ZAN: variants seen among roughly 807,000 people sequenced by gnomAD.
ZAN encodes the protein zonadhesin (gene/pseudogene).
In ZAN, 260 loss-of-function variants were observed where a neutral mutation model predicts 286.2. The observed-to-expected ratio is 0.91, with a 90% CI of 0.82 to 1.01. ZAN has a LOEUF of 1.01. Ranked by LOEUF, ZAN falls within the 50% of genes least tolerant of loss-of-function variation. The probability of loss-of-function intolerance (pLI) is 0.00; values close to 1 mark genes in which losing one functional copy is unlikely to be tolerated. For missense variants in ZAN, 3,410 were observed against 3,639.2 expected (o/e 0.94, Z 1.62); for synonymous variants, 1,368 against 1,417.5 (o/e 0.97, Z 0.79).
chr7:100,789,041 G>A (rs181162401), intron 38 of ZAN, among the ~76,000 whole-genome samples, 177 bp from the exon 39 acceptor site: 4 of 152,250 alleles, frequency 2.6e-5, no homozygotes, highest in African/African-American at 9.6e-5. Context: ...GGGCTGGGAA[G>A]GGGGCGGACC....
intron 34 of ZAN, among the ~76,000 whole-genome samples, chr7:100,777,348 C>T (rs192636825): frequency 9.3e-5 from 14 of 151,192 alleles, no homozygotes; most frequent in African/African-American, 3.2e-4. Context: ...GACCCTCTAG[C>T]TTTTCTTTTT....
intron 22 of ZAN, 113 bp from the exon 23 acceptor site, chr7:100,765,239 C>G (rs531418392): frequency 8.2e-7 from 1 of 1,213,988 alleles, no homozygotes; most frequent in Admixed American, 2.2e-5. Context: ...TCTCTCTTCT[C>G]GAGATTGGCC....
chr7:100,734,280 A>C lies in ZAN; in HGVS notation c.53+59A>C, dbSNP rs1261370126. ...GGTCAGCTGAGGGTGGCTGTAAGGA[A>C]TATGGAAGGACAGAGCTGGAGGGGG... On this transcript the variant is annotated intron_variant, in intron 2 of 47. Transcript: ENST00000613979. 6.7e-6 allele frequency: 8 copies of C among 1,196,936 alleles called. 1 individual carries two copies. Among genetic ancestry groups the C allele is most frequent in the Admixed American group, 2.5e-5 (1 of 39,808 alleles). 74.1% of individuals were successfully genotyped at this position (1,196,936 alleles called of 1,614,324 possible).
chr7:100,781,651 AC>A (rs1216893134), intron 35 of ZAN, among the ~76,000 whole-genome samples: 1 of 126,602 alleles, frequency 7.9e-6, no homozygotes, highest in Admixed American at 7.9e-5. Context: ...ACATTGCTAT[AC>A]TTTTTTTTTT....
In ZAN at chr7:100,752,036, CAG is replaced by C; in HGVS notation, c.1933_1934del (p.Glu645LysfsTer21). 3 of 1,613,132 alleles carry C rather than the reference CAG, an allele frequency of 1.9e-6. No individual in the cohort carries two copies. Among genetic ancestry groups the C allele is most frequent in the Non-Finnish European group, 2.5e-6 (3 of 1,179,746 alleles). ...CCCTCAGAAAAACCCACCATTCCCT[CAG>C]AAAAACCCACCATTTCCACAGAAAA... On this transcript the variant is annotated frameshift_variant, in exon 14 of 48. Transcript: ENST00000613979. LOFTEE classifies it high-confidence loss of function.
chr7:100,756,530 C>A (rs1272743865), intron 15 of ZAN, among the ~76,000 whole-genome samples: 2 of 152,004 alleles, frequency 1.3e-5, no homozygotes, highest in African/African-American at 2.4e-5. Flanking sequence ...TCTGCTTGTC[C>A]CTTTTGGGAC....
intron 42 of ZAN, 48 bp downstream of exon 42, chr7:100,792,527 G>GGA: frequency 6.2e-7 from 1 of 1,610,656 alleles, no homozygotes; most frequent in Non-Finnish European, 8.5e-7. Flanking sequence ...GCTGGCTGGC[G>GGA]GGACCGCACC....
chr7:100,767,699 G>T, intron 25 of ZAN, 132 bp from the exon 26 acceptor site: 1 of 1,033,968 alleles, frequency 9.7e-7, no homozygotes, highest in South Asian at 1.8e-5. Flanking sequence ...GGCTGATCTC[G>T]AGATCCTGGG....
Position 100,747,543 on chromosome 7 carries a change from A to G in ZAN, c.932-7A>G. 1 of 1,613,238 alleles carries G rather than the reference A, an allele frequency of 6.2e-7. No individual in the cohort carries two copies. The highest frequency in any genetic ancestry group is 8.5e-7 in the Non-Finnish European group (1 of 1,179,422). Reference sequence around the variant, plus strand: ...CTCACTTCTCCTTCCAATTCCTTTCACTGCAGGGAGTATCCGGAAACACAC... The same window carrying G: ...CTCACTTCTCCTTCCAATTCCTTTCGCTGCAGGGAGTATCCGGAAACACAC... On this transcript the variant is annotated splice_region_variant and splice_polypyrimidine_tract_variant and intron_variant, in intron 8 of 47. Coordinates refer to ENST00000613979, the MANE Select transcript of ZAN (RefSeq NM_003386.3).
chr7:100,749,765 T>C (rs1201348704), intron 11 of ZAN, among the ~76,000 whole-genome samples: 1 of 139,362 alleles, frequency 7.2e-6, no homozygotes, highest in Non-Finnish European at 1.6e-5. Flanking sequence ...AAGACAATAA[T>C]GAGGGTGGGG....
In ZAN at chr7:100,759,770, C is replaced by A; in HGVS notation, c.3621C>A (p.Gly1207=). Residue 1207 remains glycine, a synonymous_variant, in exon 18 of 48, where the codon GGC becomes GGA. Transcript: ENST00000613979. ...TAKNEEQGQE[G]VSCLSKVYVT... ...AGAATGAGGAGCAGGGACAGGAAGG[C>A]GTGTCCTGCCTGAGCAAAGTCTACG... 6.2e-7 allele frequency: 1 copy of A among 1,601,054 alleles called. No homozygotes were observed. The highest frequency in any genetic ancestry group is 2.3e-5 in the East Asian group (1 of 44,144).
At position 100,776,532 on chromosome 7, in the gene ZAN, G is replaced by A; in HGVS notation, c.6285G>A (p.Val2095=). ...TAGCAAATAGTGACAGTGAATTTGT[G>A]AACAGTTGGAAAGATAAGGACATTG... ...DEVANSDSEF[V]NSWKDKDIDP... Residue 2095 remains valine, a synonymous_variant, in exon 34 of 48, where the codon GTG becomes GTA. Transcript: ENST00000613979. The A allele has an allele frequency of 6.4e-7, 1 of 1,565,034 alleles. No homozygotes were observed. The highest frequency in any genetic ancestry group is 2.4e-5 in the East Asian group (1 of 42,412).
At chr7:100,738,705 A>G in intron 7 of ZAN, 92 bp downstream of exon 7, 1 of 1,294,002 alleles carries the variant, frequency 7.7e-7, no homozygotes, top group Non-Finnish European at 1.1e-6. Context: ...GAACACCTAC[A>G]GCTTCAAGCC....
chr7:100,747,445 A>G, intron 8 of ZAN, 105 bp from the exon 9 acceptor site: 2 of 857,438 alleles, frequency 2.3e-6, no homozygotes, highest in Non-Finnish European at 3.9e-6. Context: ...TTTGGTGGTA[A>G]TCGTCCCCAG....
Position 100,756,169 on chromosome 7 carries a change from T to C in ZAN, c.3309+759T>C, listed in dbSNP as rs541809056. On this transcript the variant is annotated intron_variant, in intron 15 of 47. Coordinates refer to ENST00000613979, the MANE Select transcript of ZAN (RefSeq NM_003386.3). ...AGATTTTCTACCTCATATAAGATTA[T>C]TGTAAAGATGAAATTAAGTCCTAAC... 3.2e-4 allele frequency among the ~76,000 whole-genome samples: 49 copies of C among 152,318 alleles called. No homozygotes were observed. The South Asian group carries it at 9.7e-3, about 30-fold the overall frequency.
Position 100,779,700 on chromosome 7 carries a change from G to A in ZAN, c.6572G>A (p.Cys2191Tyr). 6.4e-7 allele frequency: 1 copy of A among 1,559,156 alleles called. No homozygotes were observed. Reference protein sequence around the residue: ...CQALQAFGATCQSQGLKPPLW... With the variant: ...CQALQAFGATYQSQGLKPPLW... Reference sequence around the variant, plus strand: ...GCTCTGCAAGCCTTCGGGGCCACCTGCCAGAGCCAGGGGCTCAAGCCCCCA... The same window carrying A: ...GCTCTGCAAGCCTTCGGGGCCACCTACCAGAGCCAGGGGCTCAAGCCCCCA... Residue 2191 changes from cysteine (C) to tyrosine (Y), a missense_variant, in exon 35 of 48, where the codon TGC (cysteine) becomes TAC (tyrosine). Physicochemically the swap from Cys to Tyr is radical, Grantham distance 194. Coordinates refer to ENST00000613979, the MANE Select transcript of ZAN (RefSeq NM_003386.3).
chr7:100,735,569 GA>G, intron 2 of ZAN, 150 bp from the exon 3 acceptor site: 1 of 559,218 alleles, frequency 1.8e-6, no homozygotes. Context: ...AAAAAGAAAA[GA>G]AAAAAAGAAA....
rs1554413477 is a variant in ZAN at position 100,794,148 on chromosome 7, G to A, written c.8015G>A (p.Cys2672Tyr). 1 of 1,613,886 alleles carries A rather than the reference G, an allele frequency of 6.2e-7. No homozygotes were observed. Among genetic ancestry groups the A allele is most frequent in the Non-Finnish European group, 8.5e-7 (1 of 1,179,898 alleles). Residue 2672 changes from cysteine to tyrosine, a missense_variant, in exon 44 of 48, where the codon TGC (cysteine) becomes TAC (tyrosine). Around this residue, in one of 7 missense-constraint regions of ZAN, gnomAD observed 1,289 missense variants for 1,314.3 expected, o/e 0.98. Coordinates refer to ENST00000613979, the MANE Select transcript of ZAN (RefSeq NM_003386.3). ...QLGSSFLTED[C>Y]SQRCTCASSR... ...GGCAGCAGCTTTCTGACTGAGGACT[G>A]CTCTCAGCGGTGCACCTGTGCCAGC...
intron 36 of ZAN, among the ~76,000 whole-genome samples, chr7:100,785,142 T>A (rs1811475789): frequency 6.6e-6 from 1 of 152,076 alleles, no homozygotes; most frequent in East Asian, 1.9e-4. Flanking sequence ...ACCTCTGTTA[T>A]ATCCGTTTCC....
Sources: allele counts gnomAD v4.1 joint callset (sites outside exome capture counted in the v4.1 genomes callset), GRCh38; gene constraint gnomAD v4.1.1; regional missense constraint gnomAD v4.1.1; transcripts MANE v1.5; gene names NCBI Gene and HGNC (gene_info 2026-07-23, HGNC 2026-07-21).